MITF: variants seen among roughly 807,000 people sequenced by gnomAD.
MITF encodes melanocyte inducing transcription factor.
In MITF, 17 loss-of-function variants were observed where a neutral mutation model predicts 60.5. That is an observed-to-expected ratio of 0.28 (90% CI 0.19 to 0.42). The LOEUF is 0.42. MITF is among the 10% of genes least tolerant of loss of function. MITF has a pLI of 1.00. For synonymous variants in MITF, 260 were observed against 248.5 expected (o/e 1.05, Z -0.43); for missense variants, 622 against 683.5 (o/e 0.91, Z 1.00).
intron 1 of MITF, among the ~76,000 whole-genome samples, chr3:69,846,202 A>AGGG (rs1559670358): frequency 6.6e-6 from 1 of 150,888 alleles, no homozygotes; most frequent in Non-Finnish European, 1.5e-5. Context: ...TCTAAATTAA[A>AGGG]TGAGCTGTGC....
In MITF at chr3:69,892,610, G is replaced by T. The variant is rs371727765; in HGVS notation, c.354+13227G>T. ...TTTGGTTGCTCCTCTGAAGAAAAAA[G>T]CCACTTTTCTTCAGGAACTGTGTTT... On this transcript the variant is annotated intron_variant, in intron 2 of 9. Coordinates refer to ENST00000352241, the MANE Select transcript of MITF (RefSeq NM_001354604.2). 6.6e-5 allele frequency among the ~76,000 whole-genome samples: 10 copies of T among 152,240 alleles called. No individual in the cohort carries two copies. In the South Asian group the frequency reaches 1.5e-3, roughly 22 times the overall value.
Position 69,949,073 on chromosome 3 carries a change from T to C in MITF, c.785T>C (p.Ile262Thr). The change falls in exon 6 of 10, where the codon ATT becomes ACT. Residue 262 changes from isoleucine (I) to threonine (T), a missense_variant. Transcript: ENST00000352241. ...TAGTTGCCTGTCTCGGGAAACTTGATTGATCTTTATGGAAACCAAGGTCTG... is the reference window on the plus strand; with the variant it reads ...TAGTTGCCTGTCTCGGGAAACTTGACTGATCTTTATGGAAACCAAGGTCTG... ...ANTLPVSGNLIDLYGNQGLPP... is the reference protein window; with the variant it reads ...ANTLPVSGNLTDLYGNQGLPP... 1 of 1,613,710 alleles carries C rather than the reference T, an allele frequency of 6.2e-7. No homozygotes were observed. The highest frequency in any genetic ancestry group is 8.5e-7 in the Non-Finnish European group (1 of 1,179,768).
chr3:69,838,030 G>A (rs187878363), intron 1 of MITF, among the ~76,000 whole-genome samples: 5 of 152,316 alleles, frequency 3.3e-5, no homozygotes, highest in Non-Finnish European at 7.4e-5. Flanking sequence ...GAATGGATTA[G>A]ATGGGGAGAT....
intron 8 of MITF, among the ~76,000 whole-genome samples, chr3:69,957,425 C>CAAAATAACATAATAACAAAAT (rs2066426515): frequency 2.0e-5 from 3 of 152,118 alleles, no homozygotes; most frequent in Non-Finnish European, 4.4e-5. Flanking sequence ...GGATTTGTAA[C>CAAAATAACATAATAACAAAAT]AAAATAAAAT....
At chr3:69,924,358 C>G (rs1351658302) in intron 2 of MITF, among the ~76,000 whole-genome samples, 2 of 152,190 alleles carry the variant, frequency 1.3e-5, no homozygotes. Context: ...AGCTAAAAAG[C>G]AGATATTTGA....
chr3:69,834,663 G>A (rs1335255270), intron 1 of MITF, among the ~76,000 whole-genome samples: 1 of 152,104 alleles, frequency 6.6e-6, no homozygotes, highest in Non-Finnish European at 1.5e-5. Context: ...TTGGCATACT[G>A]ATTTCATTTC....
At chr3:69,828,115 G>GTTTACT (rs1222597739) in intron 1 of MITF, among the ~76,000 whole-genome samples, 2 of 108,914 alleles carry the variant, frequency 1.8e-5, no homozygotes, top group Non-Finnish European at 4.9e-5. Flanking sequence ...AAATCAGTCA[G>GTTTACT]TATTGACACC....
intron 1 of MITF, among the ~76,000 whole-genome samples, chr3:69,739,946 C>T (rs1299979664): frequency 1.3e-5 from 2 of 152,052 alleles, no homozygotes; most frequent in East Asian, 3.9e-4. Flanking sequence ...ACGAAGCGTC[C>T]AGGCGCGGGG....
intron 2 of MITF, among the ~76,000 whole-genome samples, chr3:69,880,384 TA>T (rs1397876283): frequency 3.3e-5 from 5 of 152,142 alleles, no homozygotes; most frequent in Non-Finnish European, 7.4e-5. Context: ...AGAGATTCTT[TA>T]AAAAACAAAT....
intron 5 of MITF, among the ~76,000 whole-genome samples, chr3:69,943,080 T>TA (rs1288426367): frequency 6.6e-6 from 1 of 151,372 alleles, no homozygotes; most frequent in African/African-American, 2.4e-5. Flanking sequence ...CTCTTTTTTT[T>TA]TTTTTTTTTT....
intron 1 of MITF, among the ~76,000 whole-genome samples, chr3:69,767,866 C>T (rs185457162): frequency 6.6e-6 from 1 of 152,150 alleles, no homozygotes; most frequent in African/African-American, 2.4e-5. Context: ...TTGTGAGGAA[C>T]GATGATACAC....
chr3:69,959,373 C>A lies in MITF; in HGVS notation c.1132C>A (p.Gln378Lys). 8 of 1,613,956 alleles carry A rather than the reference C, an allele frequency of 5.0e-6. No individual in the cohort carries two copies. The highest frequency in any genetic ancestry group is 6.8e-6 in the Non-Finnish European group (8 of 1,179,906). Residue 378 changes from glutamine (Q) to lysine (K), a missense_variant, in exon 9 of 10, where the codon CAG becomes AAG. Around this residue, in one of 5 missense-constraint regions of MITF, gnomAD observed 224 missense variants for 209.5 expected, o/e 1.07. Transcript: ENST00000352241. The part of the protein sequence containing the change: ...QQRAKELENR[Q>K]KKLEHANRHL... ...ACGCGCAAAAGAACTTGAAAACCGA[C>A]AGAAGAAACTGGAGCACGCCAACCG...
chr3:69,913,401 T>C (rs2065265272), intron 2 of MITF, among the ~76,000 whole-genome samples: 1 of 152,318 alleles, frequency 6.6e-6, no homozygotes, highest in Admixed American at 6.5e-5. Context: ...CGTCATGTAT[T>C]GCATTTCATG....
intron 2 of MITF, among the ~76,000 whole-genome samples, chr3:69,882,065 A>C (rs752031218): frequency 4.6e-5 from 7 of 152,222 alleles, no homozygotes; most frequent in African/African-American, 9.6e-5. Context: ...ACATTCTGCT[A>C]TCTGGATGAA....
rs2063562564 is a variant in MITF, at chr3:69,837,796, T to G, written c.105-41338T>G. On this transcript the variant is annotated intron_variant, in intron 1 of 9. Transcript: ENST00000352241. Reference sequence around the variant, plus strand: ...TTCCCGGCAGAAATATTAATGTACTTGATTACAAACTGTTGCCCTGATCTC... The same window carrying G: ...TTCCCGGCAGAAATATTAATGTACTGGATTACAAACTGTTGCCCTGATCTC... Among the ~76,000 whole-genome samples, 3 of 152,208 alleles carry G rather than the reference T, an allele frequency of 2.0e-5. No individual in the cohort carries two copies. The South Asian group carries it at 6.2e-4, about 32-fold the overall frequency.
intron 2 of MITF, among the ~76,000 whole-genome samples, chr3:69,912,819 A>G (rs1347109948): frequency 6.6e-6 from 1 of 152,194 alleles, no homozygotes; most frequent in South Asian, 2.1e-4. Flanking sequence ...CTCTTTGGCC[A>G]ACTATCCTCT....
At chr3:69,858,910 C>T (rs1336171122) in intron 1 of MITF, among the ~76,000 whole-genome samples, 2 of 152,050 alleles carry the variant, frequency 1.3e-5, no homozygotes, top group Non-Finnish European at 2.9e-5. Flanking sequence ...AAATAGAGTC[C>T]TCGCTCCTTG....
chr3:69,813,027 G>A (rs1489810180), intron 1 of MITF, among the ~76,000 whole-genome samples: 1 of 152,030 alleles, frequency 6.6e-6, no homozygotes, highest in Non-Finnish European at 1.5e-5. Context: ...ACTATTATAA[G>A]TGTACTTACT....
At chr3:69,883,848 T>C (rs1363125909) in intron 2 of MITF, among the ~76,000 whole-genome samples, 2 of 152,166 alleles carry the variant, frequency 1.3e-5, no homozygotes, top group Admixed American at 6.5e-5. Flanking sequence ...GACCAGCATA[T>C]ACTTATGACC....
Sources: gnomAD v4.1 joint callset for allele counts (sites outside exome capture counted in the v4.1 genomes callset) on GRCh38, gnomAD v4.1.1 for gene constraint, gnomAD v4.1.1 regional missense constraint, MANE v1.5 for transcripts, NCBI Gene and HGNC (gene_info 2026-07-23, HGNC 2026-07-21) for gene names.